The following AGBL4 variants were observed in gnomAD, a reference collection of about 807,000 sequenced individuals.
The protein encoded by AGBL4 is cytosolic carboxypeptidase 6.
AGBL4 carries 58 observed loss-of-function variants against 66.4 expected under a neutral mutation model. That is an observed-to-expected ratio of 0.87 (90% CI 0.71 to 1.09). The LOEUF (loss-of-function observed/expected upper bound fraction) is 1.09, where lower values mean the gene tolerates loss of function less well. AGBL4 is among the 50% of genes least tolerant of loss of function. AGBL4 has a pLI of 0.00. For synonymous variants in AGBL4, 234 were observed against 222.9 expected, an observed-to-expected ratio of 1.05 and a Z score of -0.44; for missense variants, 579 against 631.0, an observed-to-expected ratio of 0.92 and a Z score of 0.88.
intron 1 of AGBL4, among the ~76,000 whole-genome samples, chr1:49,942,464 A>T (rs1654850065): frequency 6.6e-6 from 1 of 152,164 alleles, no homozygotes; most frequent in African/African-American, 2.4e-5. Context: ...ATCAAGCAAC[A>T]TGGCACTAGC....
At chr1:49,753,437 CCT>C (rs761960552) in intron 2 of AGBL4, among the ~76,000 whole-genome samples, 1 of 152,152 alleles carries the variant, frequency 6.6e-6, no homozygotes, top group Non-Finnish European at 1.5e-5. Flanking sequence ...CAGAGGATCC[CCT>C]GTTAGTCTGA....
intron 4 of AGBL4, among the ~76,000 whole-genome samples, chr1:49,169,202 G>C (rs1441217580): frequency 6.6e-6 from 1 of 152,158 alleles, no homozygotes; most frequent in Non-Finnish European, 1.5e-5. Context: ...TAAAGCAGTG[G>C]AAGTGTCACA....
intron 3 of AGBL4, among the ~76,000 whole-genome samples, chr1:49,548,235 G>A (rs755428404): frequency 1.5e-4 from 23 of 152,150 alleles, no homozygotes; most frequent in Non-Finnish European, 2.5e-4. Context: ...GTAAACAATC[G>A]TATTGTCAGC....
chr1:48,951,227 G>GT (rs1169735273), intron 5 of AGBL4, among the ~76,000 whole-genome samples: 5 of 152,150 alleles, frequency 3.3e-5, no homozygotes, highest in African/African-American at 1.2e-4. Flanking sequence ...GCATCAGAAG[G>GT]TAGGACTACT....
intron 3 of AGBL4, among the ~76,000 whole-genome samples, chr1:49,473,772 CA>C (rs1646794093): frequency 6.6e-6 from 1 of 151,978 alleles, no homozygotes; most frequent in Admixed American, 6.6e-5. Flanking sequence ...AGGTTTTACA[CA>C]TTAGTCTTTA....
At chr1:48,607,560 G>A (rs1645171746) in intron 9 of AGBL4, among the ~76,000 whole-genome samples, 1 of 152,142 alleles carries the variant, frequency 6.6e-6, no homozygotes. Flanking sequence ...AGAGGTTGTG[G>A]TGAGCTGAGA....
intron 5 of AGBL4, among the ~76,000 whole-genome samples, chr1:49,027,533 C>T (rs1305295640): frequency 6.6e-6 from 1 of 151,992 alleles, no homozygotes; most frequent in East Asian, 1.9e-4. Flanking sequence ...GCTCAAATTC[C>T]CACCCTCTAA....
intron 3 of AGBL4, among the ~76,000 whole-genome samples, chr1:49,416,478 T>C (rs1645428137): frequency 6.6e-6 from 1 of 152,158 alleles, no homozygotes; most frequent in Non-Finnish European, 1.5e-5. Flanking sequence ...ATCCATAAAA[T>C]GGAAATAATT....
chr1:49,399,687 C>T (rs112833693), intron 3 of AGBL4, among the ~76,000 whole-genome samples: 20 of 151,908 alleles, frequency 1.3e-4, no homozygotes, highest in African/African-American at 2.7e-4. Flanking sequence ...TTTTTAATCA[C>T]GGTATTAGCT....
chr1:49,869,227 A>G lies in AGBL4; in HGVS notation c.35-17709T>C, dbSNP rs553220305. ...TAGAACCAGAAATACCATTTGATCC[A>G]GCAATGCCATTACTGGGTATATACC... On this transcript the variant is annotated intron_variant, in intron 1 of 13. Coordinates refer to ENST00000371839, the MANE Select transcript of AGBL4 (RefSeq NM_032785.4). Among the ~76,000 whole-genome samples, 111 of 152,354 alleles carry G rather than the reference A, an allele frequency of 7.3e-4. 1 individual carries two copies. In the South Asian group the frequency reaches 0.023, roughly 31 times the overall value.
chr1:49,302,605 ATTTTTTTATTTTATTTTATTTTATT>A (rs1644769396), intron 3 of AGBL4, among the ~76,000 whole-genome samples: 6 of 84,434 alleles, frequency 7.1e-5, no homozygotes, highest in African/African-American at 9.8e-5. Flanking sequence ...ATTTTATTTT[ATTTTTTTATTTTATTTTATTTTATT>A]TTATTTTATT....
chr1:49,037,338 C>T lies in AGBL4; in HGVS notation c.594+8246G>A, dbSNP rs145777587. On this transcript the variant is annotated intron_variant, in intron 5 of 13. Transcript: ENST00000371839. ...GTGGGAAGGAAAGCCAGCTAGACAG[C>T]GTCTTCTTATCAGGAAGGTAAGCTG... Among the ~76,000 whole-genome samples the T allele has an allele frequency of 1.5e-3, 235 of 152,130 alleles. 2 individuals are homozygous for T. In the Middle Eastern group the frequency reaches 0.017, roughly 11 times the overall value.
At chr1:49,639,600 T>C (rs1251886208) in intron 3 of AGBL4, among the ~76,000 whole-genome samples, 1 of 152,210 alleles carries the variant, frequency 6.6e-6, no homozygotes, top group Non-Finnish European at 1.5e-5. Context: ...TATTTGTTCA[T>C]TTATTCAACA....
chr1:49,118,617 T>C (rs1261670783), intron 4 of AGBL4, among the ~76,000 whole-genome samples: 1 of 152,200 alleles, frequency 6.6e-6, no homozygotes, highest in Admixed American at 6.5e-5. Context: ...TTATTGAGGA[T>C]TTTCACATCA....
At chr1:49,176,714 T>C (rs759628025) in intron 4 of AGBL4, among the ~76,000 whole-genome samples, 1 of 152,144 alleles carries the variant, frequency 6.6e-6, no homozygotes, top group African/African-American at 2.4e-5. Flanking sequence ...CTAATTTTAA[T>C]ACCCTATATA....
chr1:48,531,973 G>A (rs556517777), downstream of AGBL4, among the ~76,000 whole-genome samples: 3 of 152,058 alleles, frequency 2.0e-5, no homozygotes, highest in Admixed American at 1.3e-4. Context: ...TAGTAGAGAC[G>A]GGCTTTCTCC....
In AGBL4 at chr1:48,666,630, C is replaced by A. The variant is rs548653994; in HGVS notation, c.635-3389G>T. Among the ~76,000 whole-genome samples the A allele has an allele frequency of 1.4e-3, 206 of 152,314 alleles. 2 individuals carry two copies. Among genetic ancestry groups the A allele is most frequent in the African/African-American group, 4.6e-3 (190 of 41,558 alleles). On this transcript the variant is annotated intron_variant, in intron 6 of 13. Coordinates refer to ENST00000371839, the MANE Select transcript of AGBL4 (RefSeq NM_032785.4). ...ATTGAATACCTATTAGATGGCCAGG[C>A]ACTAGCTATTATTATTTTCATTTTA...
chr1:48,892,322 C>A (rs3127560), intron 5 of AGBL4, among the ~76,000 whole-genome samples: 6 of 152,106 alleles, frequency 3.9e-5, no homozygotes, highest in African/African-American at 1.4e-4. Context: ...GTAATCACAT[C>A]TTCACTTGAT....
chr1:49,074,264 G>A (rs1473549950), intron 4 of AGBL4, among the ~76,000 whole-genome samples: 1 of 152,188 alleles, frequency 6.6e-6, no homozygotes, highest in Non-Finnish European at 1.5e-5. Flanking sequence ...CAGTATCTGG[G>A]CATGAGTGTA....
Sources: allele counts gnomAD v4.1 joint callset (sites outside exome capture counted in the v4.1 genomes callset), GRCh38; gene constraint gnomAD v4.1.1; transcripts MANE v1.5; gene names NCBI Gene and HGNC (gene_info 2026-07-23, HGNC 2026-07-21).